The following DPH6 variants were observed in gnomAD, a reference collection of about 807,000 sequenced individuals.
The protein encoded by DPH6 is diphthine--ammonia ligase.
DPH6 carries 33 observed loss-of-function variants against 38.2 expected under a neutral mutation model. The ratio of observed to expected loss-of-function variants is 0.86; its 90% confidence interval spans 0.65 to 1.15. DPH6 has a LOEUF of 1.15. Among genes scored for constraint, DPH6 ranks in the 50% most tolerant of loss-of-function variants. DPH6 has a pLI of 0.00. For missense variants in DPH6, 325 were observed against 320.0 expected (o/e 1.02, Z -0.12); for synonymous variants, 108 against 103.0 (o/e 1.05, Z -0.30).
At chr15:35,369,824 TC>T (rs1245732224), downstream of DPH6, among the ~76,000 whole-genome samples, 1 of 151,764 alleles carries the variant, frequency 6.6e-6, no homozygotes, top group Non-Finnish European at 1.5e-5. Flanking sequence ...TGATCTTCAA[TC>T]CCAGTCAAAA....
chr15:35,480,621 CAAT>C (rs1439718192), intron 3 of DPH6, among the ~76,000 whole-genome samples: 1 of 151,810 alleles, frequency 6.6e-6, no homozygotes, highest in African/African-American at 2.4e-5. Flanking sequence ...TAAACAAGCT[CAAT>C]AATATTTTAC....
intron 4 of DPH6, among the ~76,000 whole-genome samples, chr15:35,452,736 A>C (rs1357427079): frequency 1.3e-5 from 2 of 152,234 alleles, no homozygotes; most frequent in Non-Finnish European, 2.9e-5. Flanking sequence ...AATGTGAACT[A>C]CCCATGTAAT....
the DPH6 span, among the ~76,000 whole-genome samples, chr15:35,157,822 CCTT>C: frequency 6.6e-6 from 1 of 152,040 alleles, no homozygotes; most frequent in East Asian, 1.9e-4. Flanking sequence ...TCGTCACTCT[CCTT>C]CTTAAACTAA....
intron 3 of DPH6, chr15:35,298,594 A>G (rs902832755): frequency 2.4e-6 from 2 of 820,324 alleles, no homozygotes; most frequent in Non-Finnish European, 4.4e-6. Flanking sequence ...TCTTGGATGC[A>G]TCTTTCTCCG....
chr15:35,237,432 G>C (rs1166263906), intron 3 of DPH6: 3 of 1,605,492 alleles, frequency 1.9e-6, no homozygotes, highest in African/African-American at 2.7e-5. Context: ...AAACTCGAAG[G>C]CCTCACAGAT....
At chr15:35,359,702 G>A (rs1208403637) in intron 3 of DPH6, among the ~76,000 whole-genome samples, 1 of 152,134 alleles carries the variant, frequency 6.6e-6, no homozygotes, top group African/African-American at 2.4e-5. Context: ...CTGCAGTTGG[G>A]GCACTCACAG....
At chr15:35,331,475 G>A (rs1010750326) in intron 3 of DPH6, among the ~76,000 whole-genome samples, 1 of 152,158 alleles carries the variant, frequency 6.6e-6, no homozygotes, top group Non-Finnish European at 1.5e-5. Flanking sequence ...TTGAAAATTT[G>A]AAACTAAAAT....
intron 3 of DPH6, among the ~76,000 whole-genome samples, chr15:35,342,501 T>A (rs1661535524): frequency 6.6e-6 from 1 of 152,200 alleles, no homozygotes; most frequent in Non-Finnish European, 1.5e-5. Flanking sequence ...GTTGTTTTCT[T>A]AGTCAGTCCC....
intron 6 of DPH6, among the ~76,000 whole-genome samples, chr15:35,393,498 G>C (rs558236493): frequency 2.0e-3 from 306 of 152,280 alleles, no homozygotes; most frequent in Non-Finnish European, 3.6e-3. Flanking sequence ...GAGTTGTGCA[G>C]AAGTATGAAT....
chr15:35,232,860 T>C (rs1177384218), intron 3 of DPH6, among the ~76,000 whole-genome samples: 1 of 152,180 alleles, frequency 6.6e-6, no homozygotes, highest in Non-Finnish European at 1.5e-5. Flanking sequence ...CCTACAAAAA[T>C]AGTTGCAAGA....
chr15:35,292,930 GT>G (rs1374363277), intron 3 of DPH6, among the ~76,000 whole-genome samples: 5 of 151,924 alleles, frequency 3.3e-5, no homozygotes, highest in Admixed American at 3.3e-4. Flanking sequence ...TCCTAGGTTT[GT>G]TTTCCTTTAC....
chr15:35,468,828 GAGGCTGAGGC>G (rs1164403918), intron 3 of DPH6, among the ~76,000 whole-genome samples: 2 of 152,158 alleles, frequency 1.3e-5, no homozygotes, highest in African/African-American at 4.8e-5. Flanking sequence ...AGCACTTTGG[GAGGCTGAGGC>G]AGGTGGATCA....
At chr15:35,538,886 A>G (rs2055212162) in intron 2 of DPH6, among the ~76,000 whole-genome samples, 1 of 152,110 alleles carries the variant, frequency 6.6e-6, no homozygotes, top group African/African-American at 2.4e-5. Flanking sequence ...TCTTAATTAA[A>G]GATCTACCTA....
intron 2 of DPH6, 88 bp downstream of exon 2, chr15:35,542,325 C>A: frequency 9.3e-7 from 1 of 1,076,208 alleles, no homozygotes; most frequent in South Asian, 2.0e-5. Flanking sequence ...CTTTTTTTTT[C>A]ATCTTTGTAC....
chr15:35,386,992 T>G (rs2052970215), intron 6 of DPH6, among the ~76,000 whole-genome samples: 1 of 152,246 alleles, frequency 6.6e-6, no homozygotes, highest in Non-Finnish European at 1.5e-5. Context: ...ATGTAAGTCT[T>G]TAATCCATCT....
chr15:35,471,771 T>C (rs980427029), intron 3 of DPH6, among the ~76,000 whole-genome samples: 5 of 152,190 alleles, frequency 3.3e-5, no homozygotes, highest in African/African-American at 1.2e-4. Context: ...CTCTCTCTCA[T>C]TTAAATCCTT....
intron 6 of DPH6, among the ~76,000 whole-genome samples, chr15:35,397,866 TATACACACACAC>T (rs931823311): frequency 6.8e-5 from 6 of 88,824 alleles, no homozygotes; most frequent in African/African-American, 2.8e-4. Flanking sequence ...AATTTATATA[TATACACACACAC>T]ACACACACAC....
At chr15:35,354,650 A>G (rs1165170630) in intron 3 of DPH6, among the ~76,000 whole-genome samples, 1 of 152,156 alleles carries the variant, frequency 6.6e-6, no homozygotes, top group Non-Finnish European at 1.5e-5. Context: ...CATGGTGGAT[A>G]AGCTTTTTGA....
chr15:35,167,871 C>A, the DPH6 span, among the ~76,000 whole-genome samples: 1 of 152,082 alleles, frequency 6.6e-6, no homozygotes, highest in South Asian at 2.1e-4. Flanking sequence ...TGAGGACTGC[C>A]AAGTGTAATG....
Sources: gnomAD v4.1 joint callset for allele counts (sites outside exome capture counted in the v4.1 genomes callset) on GRCh38, gnomAD v4.1.1 for gene constraint, MANE v1.5 for transcripts, NCBI Gene and HGNC (gene_info 2026-07-23, HGNC 2026-07-21) for gene names.